The following SMAD4 variants were observed in gnomAD, a reference collection of about 807,000 sequenced individuals.
SMAD4 encodes the protein SMAD family member 4.
In SMAD4, 7 loss-of-function variants were observed where a neutral mutation model predicts 63.2. That is an observed-to-expected ratio of 0.11 (90% CI 0.06 to 0.21). The LOEUF (loss-of-function observed/expected upper bound fraction) is 0.21. Among genes scored for constraint, SMAD4 ranks in the 10% least tolerant of loss-of-function variants. The pLI, the probability that SMAD4 is intolerant of heterozygous loss-of-function variation, is 1.00. For missense variants in SMAD4, 312 were observed against 693.8 expected (o/e 0.45, Z 6.18); for synonymous variants, 215 against 235.4 (o/e 0.91, Z 0.79).
rs569960780 is a variant in SMAD4, at chr18:51,043,931, C to G, written c.-127-2989C>G. ...CTATGGTCAGTCCAGAAACACTTGCCTGGTATATGTCAGGAACTGTGCATG... is the reference window on the plus strand; with the variant it reads ...CTATGGTCAGTCCAGAAACACTTGCGTGGTATATGTCAGGAACTGTGCATG... On this transcript the variant is annotated intron_variant, in intron 1 of 11. Transcript: ENST00000342988. 3.0e-4 allele frequency among the ~76,000 whole-genome samples: 46 copies of G among 152,248 alleles called. 1 individual carries two copies. The highest frequency in any genetic ancestry group is 1.0e-3 in the African/African-American group (43 of 41,542).
Position 51,080,075 on chromosome 18 carries a change from T to C in SMAD4, c.*1608T>C, listed in dbSNP as rs1269516250. On this transcript the variant is annotated 3_prime_UTR_variant, in exon 12 of 12. Transcript: ENST00000342988. ...AAATAGTATGAAATAAAATCAAGGATTATCTTTCAGATGTGTTTACTTTTG... is the reference window on the plus strand; with the variant it reads ...AAATAGTATGAAATAAAATCAAGGACTATCTTTCAGATGTGTTTACTTTTG... The C allele has an allele frequency of 4.3e-6, 1 of 231,816 alleles. No homozygotes were observed. The highest frequency in any genetic ancestry group is 8.5e-6 in the Non-Finnish European group (1 of 117,284). 14.4% of individuals were successfully genotyped at this position (231,816 alleles called of 1,614,324 possible).
Position 51,048,877 on chromosome 18 carries a change from T to C in SMAD4, c.424+17T>C. The C allele has an allele frequency of 1.2e-6, 2 of 1,603,836 alleles. No individual in the cohort carries two copies. Among genetic ancestry groups the C allele is most frequent in the Non-Finnish European group, 1.7e-6 (2 of 1,172,130 alleles). On this transcript the variant is annotated intron_variant, in intron 3 of 11. Transcript: ENST00000342988. Reference sequence around the variant, plus strand: ...CTGGAATTGGTAAGTAGACTTTGCTTTCATCCTAAGAAACATAAAGGGAAA... The same window carrying C: ...CTGGAATTGGTAAGTAGACTTTGCTCTCATCCTAAGAAACATAAAGGGAAA...
intron 11 of SMAD4, among the ~76,000 whole-genome samples, chr18:51,077,857 A>T (rs558783601): frequency 6.6e-6 from 1 of 152,298 alleles, no homozygotes; most frequent in South Asian, 2.1e-4. Flanking sequence ...TAACTGCTTC[A>T]TTATTAGTTA....
chr18:51,059,749 C>T, intron 7 of SMAD4, 117 bp from the exon 8 acceptor site: 2 of 774,554 alleles, frequency 2.6e-6, no homozygotes, highest in Non-Finnish European at 4.5e-6. Context: ...ATTGCATAAG[C>T]TTGTTTTAAA....
At position 51,049,378 on chromosome 18, in the gene SMAD4, T is replaced by G. The variant is rs193000742; in HGVS notation, c.454+54T>G. ...CTTTGTTTTGTCCTATCCTCTCTGT[T>G]TTTTTGTTGACCTAGAATTAGTTTG... On this transcript the variant is annotated intron_variant, in intron 4 of 11. Transcript: ENST00000342988. 6,250 of 1,358,830 alleles carry G rather than the reference T, an allele frequency of 4.6e-3. 21 individuals are homozygous for G. Among genetic ancestry groups the G allele is most frequent in the Non-Finnish European group, 6.1e-3 (5,765 of 949,030 alleles). The allele number at this position is 1,358,830 out of a possible 1,614,324, so 84.2% of individuals were successfully genotyped here. A position where few individuals can be genotyped will look rare whatever the true frequency, so the allele number is the denominator to read the frequency against.
intron 1 of SMAD4, among the ~76,000 whole-genome samples, chr18:51,036,013 G>T (rs566320319): frequency 2.6e-5 from 4 of 152,120 alleles, no homozygotes; most frequent in African/African-American, 9.6e-5. Context: ...TTAGAGACAG[G>T]TTGCCCAGGA....
Position 51,083,406 on chromosome 18 carries a change from G to T in SMAD4, c.*4939G>T, listed in dbSNP as rs1189164892. 1 of 228,486 alleles carries T rather than the reference G, an allele frequency of 4.4e-6. No individual in the cohort carries two copies. Among genetic ancestry groups the T allele is most frequent in the Non-Finnish European group, 8.7e-6 (1 of 115,232 alleles). 14.2% of individuals were successfully genotyped at this position (228,486 alleles called of 1,614,324 possible). On this transcript the variant is annotated 3_prime_UTR_variant, in exon 12 of 12. Transcript: ENST00000342988. ...TAAAGTAATTGCTAGTGTTTTCAGGGATTTTAACATCAGACTGGAATGAAT... is the reference window on the plus strand; with the variant it reads ...TAAAGTAATTGCTAGTGTTTTCAGGTATTTTAACATCAGACTGGAATGAAT...
intron 8 of SMAD4, among the ~76,000 whole-genome samples, chr18:51,061,635 C>T (rs1437538615): frequency 6.6e-6 from 1 of 151,782 alleles, no homozygotes; most frequent in African/African-American, 2.4e-5. Context: ...TGTACTCATT[C>T]CTCAGTTTCA....
chr18:51,040,027 G>A (rs747696855), intron 1 of SMAD4, among the ~76,000 whole-genome samples: 2 of 152,104 alleles, frequency 1.3e-5, no homozygotes, highest in Middle Eastern at 3.2e-3. Flanking sequence ...TGCACTAACC[G>A]TGAACACCTT....
chr18:51,077,781 C>T (rs1910507336), intron 11 of SMAD4, among the ~76,000 whole-genome samples: 1 of 152,140 alleles, frequency 6.6e-6, no homozygotes, highest in South Asian at 2.1e-4. Context: ...TACTCTGTTA[C>T]ACTTTGAAAT....
rs529462368 is a variant in SMAD4 at position 51,083,801 on chromosome 18, T to A, written c.*5334T>A. On this transcript the variant is annotated 3_prime_UTR_variant, in exon 12 of 12. Coordinates refer to ENST00000342988, the MANE Select transcript of SMAD4 (RefSeq NM_005359.6). ...TGACCTTGGCTACCTTGCAGCAGTT[T>A]TGGATTTCTTCCTTATCTTTGTTCT... 1 of 231,164 alleles carries A rather than the reference T, an allele frequency of 4.3e-6. No homozygotes were observed. The highest frequency in any genetic ancestry group is 2.2e-5 in the African/African-American group (1 of 45,234). The allele number at this position is 231,164 out of a possible 1,614,324, so 14.3% of individuals were successfully genotyped here.
intron 5 of SMAD4, among the ~76,000 whole-genome samples, chr18:51,055,783 A>G (rs1345996595): frequency 6.6e-6 from 1 of 151,724 alleles, no homozygotes; most frequent in African/African-American, 2.4e-5. Context: ...TTGCTAAAGG[A>G]ATTTATGTAA....
intron 4 of SMAD4, chr18:51,052,598 A>G (rs770262494): frequency 1.3e-4 from 37 of 275,078 alleles, no homozygotes; most frequent in Middle Eastern, 1.2e-3. Flanking sequence ...TAAAAAATAT[A>G]TACTATATGT....
chr18:51,058,605 T>C (rs910408408), intron 7 of SMAD4, 149 bp downstream of exon 7: 3 of 668,220 alleles, frequency 4.5e-6, no homozygotes, highest in Non-Finnish European at 7.8e-6. Flanking sequence ...TTGTAAACAG[T>C]ATTATTTTTC....
At chr18:51,037,713 ACTAGCTGCTTTTT>A (rs1909245689) in intron 1 of SMAD4, among the ~76,000 whole-genome samples, 1 of 152,234 alleles carries the variant, frequency 6.6e-6, no homozygotes. Context: ...TGCAAGCTGA[ACTAGCTGCTTTTT>A]AGTGGGACAC....
chr18:51,061,288 A>G (rs2144436980), intron 8 of SMAD4, among the ~76,000 whole-genome samples: 1 of 152,318 alleles, frequency 6.6e-6, no homozygotes, highest in Admixed American at 6.5e-5. Flanking sequence ...GTGCTGTAAA[A>G]TATTAGACCT....
At chr18:51,031,607 A>G (rs1483032414) in intron 1 of SMAD4, among the ~76,000 whole-genome samples, 1 of 152,214 alleles carries the variant, frequency 6.6e-6, no homozygotes. Flanking sequence ...ATATAATCTT[A>G]GCTAATTTTT....
intron 10 of SMAD4, among the ~76,000 whole-genome samples, chr18:51,071,271 CACACACACAT>C (rs1172014177): frequency 6.6e-6 from 1 of 152,146 alleles, no homozygotes; most frequent in African/African-American, 2.4e-5. Context: ...CACATACACA[CACACACACAT>C]ACACACACAC....
At chr18:51,038,561 A>G (rs910887001) in intron 1 of SMAD4, among the ~76,000 whole-genome samples, 3 of 152,240 alleles carry the variant, frequency 2.0e-5, no homozygotes, top group Admixed American at 6.5e-5. Flanking sequence ...TTAGCTGTCC[A>G]TGTGAGACAC....
Sources: allele counts gnomAD v4.1 joint callset (sites outside exome capture counted in the v4.1 genomes callset), GRCh38; gene constraint gnomAD v4.1.1; transcripts MANE v1.5; gene names NCBI Gene and HGNC (gene_info 2026-07-23, HGNC 2026-07-21).